Variants in SPAG16 observed in about 807,000 individuals in gnomAD.
The protein encoded by SPAG16 is sperm associated antigen 16.
A neutral mutation model predicts 80.4 loss-of-function variants in SPAG16; 86 were observed. The observed-to-expected ratio is 1.07, with a 90% CI of 0.90 to 1.28. The LOEUF (loss-of-function observed/expected upper bound fraction) is 1.28, where lower values mean the gene tolerates loss of function less well. Ranked by LOEUF, SPAG16 falls within the 50% of genes most tolerant of loss-of-function variation. The pLI, the probability that SPAG16 is intolerant of heterozygous loss-of-function variation, is 0.00. For missense variants in SPAG16, 870 were observed against 765.3 expected, an observed-to-expected ratio of 1.14 and a Z score of -1.61; for synonymous variants, 294 against 265.9, an observed-to-expected ratio of 1.11 and a Z score of -1.03.
intron 11 of SPAG16, among the ~76,000 whole-genome samples, chr2:213,900,035 C>A (rs2077154903): frequency 6.6e-6 from 1 of 152,098 alleles, no homozygotes; most frequent in African/African-American, 2.4e-5. Flanking sequence ...CAGATGATGA[C>A]AAATATATTC....
At chr2:214,075,549 C>T (rs1458539461) in intron 13 of SPAG16, among the ~76,000 whole-genome samples, 1 of 152,118 alleles carries the variant, frequency 6.6e-6, no homozygotes. Flanking sequence ...GATTTCAGCA[C>T]TTTGCTGTAA....
chr2:214,157,461 C>T (rs189093037), intron 15 of SPAG16, among the ~76,000 whole-genome samples: 4 of 152,146 alleles, frequency 2.6e-5, no homozygotes, highest in Non-Finnish European at 4.4e-5. Flanking sequence ...AGGCTAGAAG[C>T]AATTTTATTT....
intron 12 of SPAG16, among the ~76,000 whole-genome samples, chr2:213,978,931 C>T (rs1250655836): frequency 6.6e-6 from 1 of 151,692 alleles, no homozygotes; most frequent in Non-Finnish European, 1.5e-5. Context: ...GGCATTTATG[C>T]TAGGGGAGCT....
chr2:213,496,229 A>AT (rs1271755777), intron 10 of SPAG16, among the ~76,000 whole-genome samples: 1 of 152,012 alleles, frequency 6.6e-6, no homozygotes, highest in Non-Finnish European at 1.5e-5. Context: ...GATTTTCATT[A>AT]TTTTTTTGAT....
chr2:213,703,848 G>T (rs1313074164), intron 10 of SPAG16, among the ~76,000 whole-genome samples: 1 of 152,334 alleles, frequency 6.6e-6, no homozygotes, highest in South Asian at 2.1e-4. Context: ...TGTCAGATCT[G>T]CATTGCAGTC....
chr2:214,065,858 CATA>C (rs139868100), intron 13 of SPAG16, among the ~76,000 whole-genome samples: 2,793 of 152,194 alleles, frequency 0.018, 86 homozygotes, highest in African/African-American at 0.064. Flanking sequence ...TAAGCAAACT[CATA>C]ATGTTTGACT....
intron 11 of SPAG16, among the ~76,000 whole-genome samples, chr2:213,919,831 A>G (rs2078130119): frequency 6.6e-6 from 1 of 152,176 alleles, no homozygotes; most frequent in Admixed American, 6.5e-5. Context: ...TGCTCAGTTC[A>G]GGTCCTGAAT....
intron 12 of SPAG16, among the ~76,000 whole-genome samples, chr2:213,937,377 G>A (rs1164994638): frequency 1.3e-5 from 2 of 151,842 alleles, no homozygotes; most frequent in African/African-American, 2.4e-5. Flanking sequence ...GGCACCCAAG[G>A]TATATATTAA....
intron 10 of SPAG16, among the ~76,000 whole-genome samples, chr2:213,817,034 T>A (rs1042142609): frequency 1.3e-5 from 2 of 151,938 alleles, no homozygotes; most frequent in African/African-American, 4.8e-5. Context: ...TAGAGCCTGA[T>A]ATTTTAAAAG....
chr2:214,148,283 A>T (rs1179737679), intron 14 of SPAG16, among the ~76,000 whole-genome samples: 1 of 152,142 alleles, frequency 6.6e-6, no homozygotes, highest in Non-Finnish European at 1.5e-5. Flanking sequence ...TGCTCAATAA[A>T]CATTTCCTGA....
Position 213,878,126 on chromosome 2 carries a change from G to T in SPAG16, c.1214+15498G>T, listed in dbSNP as rs996228968. The stretch of plus-strand genomic sequence containing the variant: ...TTCTACTTGTGTTCTTACTCATTTT[G>T]AATTCTCTCTACCTTCTTACTAGTT... On this transcript the variant is annotated intron_variant, in intron 11 of 15. Coordinates refer to ENST00000331683, the MANE Select transcript of SPAG16 (RefSeq NM_024532.5). 5.9e-5 allele frequency among the ~76,000 whole-genome samples: 9 copies of T among 152,116 alleles called. No individual in the cohort carries two copies. The South Asian group carries it at 1.9e-3, about 32-fold the overall frequency.
intron 12 of SPAG16, among the ~76,000 whole-genome samples, chr2:213,932,994 G>A (rs1365684481): frequency 2.9e-5 from 3 of 103,292 alleles, no homozygotes; most frequent in Non-Finnish European, 6.4e-5. Flanking sequence ...ACACACACCA[G>A]TGTAACCCAG....
intron 10 of SPAG16, among the ~76,000 whole-genome samples, chr2:213,769,737 A>T (rs1026242600): frequency 1.2e-4 from 19 of 152,210 alleles, no homozygotes; most frequent in African/African-American, 4.3e-4. Flanking sequence ...CTGCTAAAAA[A>T]TTTTGACTGA....
chr2:213,579,455 T>C (rs1049674267), intron 10 of SPAG16, among the ~76,000 whole-genome samples: 5 of 152,138 alleles, frequency 3.3e-5, no homozygotes, highest in Non-Finnish European at 5.9e-5. Context: ...TAAAACTCTT[T>C]TAAAAAGAAA....
At chr2:214,196,776 A>G (rs2057852251) in intron 15 of SPAG16, among the ~76,000 whole-genome samples, 1 of 152,116 alleles carries the variant, frequency 6.6e-6, no homozygotes, top group Admixed American at 6.6e-5. Context: ...ATACTAATTT[A>G]GCTGAGCTAA....
At chr2:214,041,989 TATATATATATATATATATAC>T (rs1369790921) in intron 13 of SPAG16, among the ~76,000 whole-genome samples, 1 of 121,256 alleles carries the variant, frequency 8.2e-6, no homozygotes, top group Admixed American at 8.1e-5. Flanking sequence ...TATATATATA[TATATATATATATATATATAC>T]ACACACACAC....
chr2:213,594,361 A>G (rs950866067), intron 10 of SPAG16, among the ~76,000 whole-genome samples: 5 of 152,198 alleles, frequency 3.3e-5, no homozygotes, highest in Non-Finnish European at 1.5e-5. Context: ...ATTTTTCAGC[A>G]TGGTAGATAA....
intron 15 of SPAG16, among the ~76,000 whole-genome samples, chr2:214,387,806 A>C (rs557788147): frequency 6.6e-6 from 1 of 152,254 alleles, no homozygotes; most frequent in South Asian, 2.1e-4. Context: ...CATGAGAACT[A>C]ACTCACTGTC....
chr2:213,811,597 G>A (rs1164714734), intron 10 of SPAG16, among the ~76,000 whole-genome samples: 3 of 151,950 alleles, frequency 2.0e-5, no homozygotes, highest in Non-Finnish European at 2.9e-5. Flanking sequence ...ACTGCCAACC[G>A]ACAAGGCAAT....
Sources: gnomAD v4.1 joint callset for allele counts (sites outside exome capture counted in the v4.1 genomes callset) on GRCh38, gnomAD v4.1.1 for gene constraint, MANE v1.5 for transcripts, NCBI Gene and HGNC (gene_info 2026-07-23, HGNC 2026-07-21) for gene names.